The following SRGAP2 variants were observed in gnomAD, a reference collection of about 807,000 sequenced individuals.
SRGAP2 encodes SLIT-ROBO Rho GTPase activating protein 2.
SRGAP2 carries 15 observed loss-of-function variants against 57.2 expected under a neutral mutation model. That is an observed-to-expected ratio of 0.26 (90% CI 0.18 to 0.40). The LOEUF (loss-of-function observed/expected upper bound fraction) is 0.40, where lower values mean the gene tolerates loss of function less well. Among genes scored for constraint, SRGAP2 ranks in the 10% least tolerant of loss-of-function variants. The probability of loss-of-function intolerance (pLI) is 1.00; values close to 1 mark genes in which losing one functional copy is unlikely to be tolerated. For missense variants in SRGAP2, 520 were observed against 669.6 expected, an observed-to-expected ratio of 0.78 and a Z score of 2.47; for synonymous variants, 249 against 248.0, an observed-to-expected ratio of 1.00 and a Z score of -0.04.
intron 3 of SRGAP2, among the ~76,000 whole-genome samples, chr1:206,314,654 G>A (rs1453117720): frequency 4.6e-5 from 7 of 152,160 alleles, no homozygotes; most frequent in Non-Finnish European, 1.0e-4. Flanking sequence ...GGTTGAAACT[G>A]TGGAAATATT....
At chr1:206,231,796 C>T (rs1667656881) in intron 2 of SRGAP2, among the ~76,000 whole-genome samples, 2 of 151,706 alleles carry the variant, frequency 1.3e-5, no homozygotes, top group Non-Finnish European at 2.9e-5. Flanking sequence ...CCTCTGCCTC[C>T]CAAAGTGTTG....
At chr1:206,437,091 G>A in intron 15 of SRGAP2, 49 bp downstream of exon 15, 1 of 779,006 alleles carries the variant, frequency 1.3e-6, no homozygotes. Flanking sequence ...CAGCCCCCTG[G>A]GGTATTGGCT....
intron 2 of SRGAP2, among the ~76,000 whole-genome samples, chr1:206,277,121 C>T (rs1670461961): frequency 2.6e-5 from 4 of 151,728 alleles, no homozygotes; most frequent in Admixed American, 1.3e-4. Context: ...TGTGCCACCA[C>T]ACCCGGCTAA....
intron 2 of SRGAP2, among the ~76,000 whole-genome samples, chr1:206,253,809 CT>C (rs782568255): frequency 0.02 from 2,861 of 145,452 alleles, 2 homozygotes; most frequent in African/African-American, 0.034. Flanking sequence ...GGTATCGATC[CT>C]TTTTTTTTTT....
At chr1:206,423,524 C>A (rs1481060855) in intron 13 of SRGAP2, among the ~76,000 whole-genome samples, 1 of 152,190 alleles carries the variant, frequency 6.6e-6, no homozygotes, top group Non-Finnish European at 1.5e-5. Flanking sequence ...CGTAGCCCCT[C>A]CCTTCACTTC....
At chr1:206,437,927 ACT>A in intron 15 of SRGAP2, 35 bp from the exon 16 acceptor site, 1 of 778,792 alleles carries the variant, frequency 1.3e-6, no homozygotes, top group Non-Finnish European at 2.4e-6. Flanking sequence ...TGCCTCTCTC[ACT>A]CTCTTTCCTT....
chr1:206,450,270 A>T (rs1166740078), intron 18 of SRGAP2, 116 bp from the exon 19 acceptor site: 3 of 665,380 alleles, frequency 4.5e-6, no homozygotes, highest in African/African-American at 1.8e-5. Flanking sequence ...TGCAGTTAGG[A>T]TATAGAGAGC....
At chr1:206,416,869 C>G (rs944895582) in intron 11 of SRGAP2, among the ~76,000 whole-genome samples, 2 of 152,000 alleles carry the variant, frequency 1.3e-5, no homozygotes, top group Admixed American at 6.6e-5. Context: ...TACAGGCAAG[C>G]CTGTACTTAC....
intron 14 of SRGAP2, among the ~76,000 whole-genome samples, chr1:206,431,415 C>T (rs1661267434): frequency 6.6e-6 from 1 of 152,160 alleles, no homozygotes. Flanking sequence ...AAGGGATAAG[C>T]TGTGGTAATT....
chr1:206,458,256 T>C (rs2103416655), intron 21 of SRGAP2: 1 of 455,022 alleles, frequency 2.2e-6, no homozygotes, highest in East Asian at 6.3e-5. Flanking sequence ...ATGGTGAGAC[T>C]TCTTCTCCTA....
chr1:206,418,920 GTGTGTGTGTGTGTGTGTA>G, intron 11 of SRGAP2, among the ~76,000 whole-genome samples: 1 of 151,798 alleles, frequency 6.6e-6, no homozygotes, highest in South Asian at 2.1e-4. Flanking sequence ...GTGTGTGTGT[GTGTGTGTGTGTGTGTGTA>G]TACTCAGGAG....
chr1:206,208,542 G>A (rs1666103386), intron 2 of SRGAP2, among the ~76,000 whole-genome samples: 1 of 152,082 alleles, frequency 6.6e-6, no homozygotes, highest in Non-Finnish European at 1.5e-5. Context: ...TGTGTGTTCT[G>A]GTGATTGGCC....
At chr1:206,340,012 AC>A (rs1675063005) in intron 3 of SRGAP2, among the ~76,000 whole-genome samples, 1 of 143,578 alleles carries the variant, frequency 7.0e-6, no homozygotes, top group African/African-American at 2.7e-5. Flanking sequence ...CTGGTCTTGA[AC>A]TCTTGGTCTC....
rs1390882981 is a variant in SRGAP2 at position 206,463,109 on chromosome 1, C to T, written c.*1689C>T. 2.6e-5 allele frequency: 4 copies of T among 151,912 alleles called. No individual in the cohort carries two copies. Among genetic ancestry groups the T allele is most frequent in the Non-Finnish European group, 5.9e-5 (4 of 68,004 alleles). 9.4% of individuals were successfully genotyped at this position (151,912 alleles called of 1,614,324 possible). ...CTAGAAGAGATTCTTTTTGGACCAACCTGCGAAATTGGTAGTTAGGTCTAT... is the reference window on the plus strand; with the variant it reads ...CTAGAAGAGATTCTTTTTGGACCAATCTGCGAAATTGGTAGTTAGGTCTAT... On this transcript the variant is annotated 3_prime_UTR_variant, in exon 23 of 23. Coordinates refer to ENST00000573034, the MANE Select transcript of SRGAP2 (RefSeq NM_015326.5).
intron 2 of SRGAP2, among the ~76,000 whole-genome samples, chr1:206,236,943 C>CT (rs1553308270): frequency 7.5e-6 from 1 of 133,790 alleles, no homozygotes; most frequent in Non-Finnish European, 1.6e-5. Context: ...CAGCTGGTCT[C>CT]TAACTCCTGG....
At chr1:206,370,087 A>G (rs1654385797) in intron 4 of SRGAP2, among the ~76,000 whole-genome samples, 1 of 150,650 alleles carries the variant, frequency 6.6e-6, no homozygotes, top group South Asian at 2.1e-4. Context: ...AACATGGTGA[A>G]ACCCTGCCTC....
intron 2 of SRGAP2, among the ~76,000 whole-genome samples, chr1:206,210,179 G>A (rs1553302139): frequency 2.7e-5 from 4 of 149,224 alleles, no homozygotes; most frequent in Admixed American, 1.3e-4. Context: ...GAATCTGGGT[G>A]GTATTTGGGT....
At chr1:206,456,907 A>G (rs1044404486) in intron 21 of SRGAP2, among the ~76,000 whole-genome samples, 5 of 151,964 alleles carry the variant, frequency 3.3e-5, no homozygotes, top group Admixed American at 6.6e-5. Context: ...TCACCTCCTC[A>G]TCTCCCTTCA....
intron 13 of SRGAP2, among the ~76,000 whole-genome samples, chr1:206,428,682 A>G (rs1661025695): frequency 6.6e-6 from 1 of 151,868 alleles, no homozygotes; most frequent in Non-Finnish European, 1.5e-5. Context: ...TTCTTTTTTG[A>G]GACAGGGTCC....
Sources: allele counts gnomAD v4.1 joint callset (sites outside exome capture counted in the v4.1 genomes callset), GRCh38; gene constraint gnomAD v4.1.1; transcripts MANE v1.5; gene names NCBI Gene and HGNC (gene_info 2026-07-23, HGNC 2026-07-21).